The following SLC6A11 variants were observed in gnomAD, a reference collection of about 807,000 sequenced individuals.
The protein encoded by SLC6A11 is sodium- and chloride-dependent GABA transporter 3.
In SLC6A11, 25 loss-of-function variants were observed where a neutral mutation model predicts 74.8. That is an observed-to-expected ratio of 0.33 (90% CI 0.24 to 0.47). The LOEUF (loss-of-function observed/expected upper bound fraction) is 0.47. Ranked by LOEUF, SLC6A11 falls within the 20% of genes least tolerant of loss-of-function variation. The probability of loss-of-function intolerance (pLI) is 1.00; values close to 1 mark genes in which losing one functional copy is unlikely to be tolerated. For synonymous variants in SLC6A11, 330 were observed against 330.2 expected (o/e 1.00, Z 0.01); for missense variants, 574 against 837.0 (o/e 0.69, Z 3.88).
chr3:10,901,789 A>G (rs1695243557), intron 6 of SLC6A11, among the ~76,000 whole-genome samples: 1 of 152,154 alleles, frequency 6.6e-6, no homozygotes, highest in Admixed American at 6.5e-5. Context: ...TAGCCGAAAG[A>G]AGGAGCAAGG....
chr3:10,933,771 CT>C (rs1262362235), intron 11 of SLC6A11, among the ~76,000 whole-genome samples: 5 of 152,306 alleles, frequency 3.3e-5, no homozygotes, highest in Non-Finnish European at 7.4e-5. Context: ...ATCCCCACCC[CT>C]GATTGCCTTG....
intron 4 of SLC6A11, 136 bp from the exon 5 acceptor site, chr3:10,844,078 C>A: frequency 2.0e-6 from 2 of 1,018,662 alleles, no homozygotes; most frequent in Non-Finnish European, 2.9e-6. Context: ...CCCAAGTCCT[C>A]CCCAGAGGAG....
In SLC6A11 at chr3:10,866,854, A is replaced by G. The variant is rs571373995; in HGVS notation, c.757-8107A>G. Among the ~76,000 whole-genome samples the G allele has an allele frequency of 8.5e-5, 13 of 152,348 alleles. No individual in the cohort carries two copies. In the South Asian group the frequency reaches 2.7e-3, roughly 32 times the overall value. ...AATTGTGAGGAGGCCACATGTGTCC[A>G]GGGTGGCCTTTCTTCTTTAGATATG... is the stretch of plus-strand genomic sequence containing the variant. On this transcript the variant is annotated intron_variant, in intron 5 of 13. Transcript: ENST00000254488.
chr3:10,917,389 G>T (rs1321182417), intron 7 of SLC6A11, among the ~76,000 whole-genome samples: 1 of 152,224 alleles, frequency 6.6e-6, no homozygotes, highest in Non-Finnish European at 1.5e-5. Flanking sequence ...CACCCGCAGG[G>T]ATGCCATGGA....
chr3:10,878,603 TG>T (rs1694939428), intron 6 of SLC6A11, among the ~76,000 whole-genome samples: 4 of 150,102 alleles, frequency 2.7e-5, no homozygotes, highest in African/African-American at 9.8e-5. Flanking sequence ...TTAGTAGAGA[TG>T]GGGTTTTGCC....
At chr3:10,835,111 A>G (rs914489408) in intron 4 of SLC6A11, among the ~76,000 whole-genome samples, 5 of 152,166 alleles carry the variant, frequency 3.3e-5, no homozygotes, top group African/African-American at 1.2e-4. Flanking sequence ...GGCTTCTTGC[A>G]ATCCTTAATG....
chr3:10,836,486 A>G (rs1274778801), intron 4 of SLC6A11, among the ~76,000 whole-genome samples: 1 of 152,182 alleles, frequency 6.6e-6, no homozygotes, highest in Admixed American at 6.5e-5. Flanking sequence ...CGAGGGTTCC[A>G]TTTCTCCACA....
intron 3 of SLC6A11, among the ~76,000 whole-genome samples, chr3:10,821,897 G>A (rs1328221637): frequency 1.3e-5 from 2 of 152,082 alleles, no homozygotes; most frequent in Non-Finnish European, 2.9e-5. Flanking sequence ...CCAGAAAAAG[G>A]CACAGGACAC....
chr3:10,938,457 T>A lies in SLC6A11; in HGVS notation c.*55T>A. 1.3e-6 allele frequency: 2 copies of A among 1,517,708 alleles called. No individual in the cohort carries two copies. Among genetic ancestry groups the A allele is most frequent in the South Asian group, 2.5e-5 (2 of 79,038 alleles). The allele number at this position is 1,517,708 out of a possible 1,614,324, so 94.0% of individuals were successfully genotyped here. ...CCTTTCTTCCCCCCGTGTATGTAAA[T>A]GAATTCCTGAACCCCATACTTCACC... is the stretch of plus-strand genomic sequence containing the variant. On this transcript the variant is annotated 3_prime_UTR_variant, in exon 14 of 14. Transcript: ENST00000254488.
Position 10,918,936 on chromosome 3 carries a change from G to A in SLC6A11, c.1120+483G>A, listed in dbSNP as rs755316450. Reference sequence around the variant, plus strand: ...CAGCGTGGCCACAAAGCCCTGTGTTGCCCGGCTCCTGTGGCCCCACCAGCC... The same window carrying A: ...CAGCGTGGCCACAAAGCCCTGTGTTACCCGGCTCCTGTGGCCCCACCAGCC... On this transcript the variant is annotated intron_variant, in intron 8 of 13. Transcript: ENST00000254488. The surrounding 1 kb of genome is among the most constrained non-coding windows in gnomAD (Gnocchi z 4.5). 1.1e-4 allele frequency among the ~76,000 whole-genome samples: 16 copies of A among 151,634 alleles called. No individual in the cohort carries two copies. The highest frequency in any genetic ancestry group is 2.4e-4 in the Non-Finnish European group (16 of 67,952).
Position 10,938,469 on chromosome 3 carries a change from C to T in SLC6A11, c.*67C>T, listed in dbSNP as rs929798804. 6.8e-7 allele frequency: 1 copy of T among 1,469,352 alleles called. No homozygotes were observed. The highest frequency in any genetic ancestry group is 9.2e-7 in the Non-Finnish European group (1 of 1,087,964). 91.0% of individuals were successfully genotyped at this position (1,469,352 alleles called of 1,614,324 possible). ...CCGTGTATGTAAATGAATTCCTGAA[C>T]CCCATACTTCACCTAATGGTAGGGG... On this transcript the variant is annotated 3_prime_UTR_variant, in exon 14 of 14. Coordinates refer to ENST00000254488, the MANE Select transcript of SLC6A11 (RefSeq NM_014229.3).
intron 4 of SLC6A11, among the ~76,000 whole-genome samples, chr3:10,837,207 C>T (rs1694378349): frequency 6.6e-6 from 1 of 152,070 alleles, no homozygotes; most frequent in Admixed American, 6.5e-5. Flanking sequence ...TGTTCCCAGC[C>T]GAGGGAATCA....
rs1242276669 is a variant in SLC6A11 at position 10,918,532 on chromosome 3, C to T, written c.1120+79C>T. On this transcript the variant is annotated intron_variant, in intron 8 of 13. Transcript: ENST00000254488. The surrounding 1 kb of genome is among the most constrained non-coding windows in gnomAD (Gnocchi z 4.5). ...TGGTCATCATGGAAATGCGATCTTC[C>T]TCCTCGGCTCACACATCTCCTGGAT... 1.3e-5 allele frequency: 20 copies of T among 1,490,084 alleles called. No homozygotes were observed. The highest frequency in any genetic ancestry group is 1.7e-4 in the Middle Eastern group (1 of 5,750). The allele number at this position is 1,490,084 out of a possible 1,614,324, so 92.3% of individuals were successfully genotyped here. A position where few individuals can be genotyped will look rare whatever the true frequency, so the allele number is the denominator to read the frequency against.
At position 10,934,060 on chromosome 3, in the gene SLC6A11, G is replaced by T. The variant is rs780524904; in HGVS notation, c.1475-6G>T. On this transcript the variant is annotated splice_region_variant and splice_polypyrimidine_tract_variant and intron_variant, in intron 11 of 13. Coordinates refer to ENST00000254488, the MANE Select transcript of SLC6A11 (RefSeq NM_014229.3). ...TGTATGTTCCCCTCTGATTTATTCCGGACAGGAAGCAACCGGTTCTATGAT... is the reference window on the plus strand; with the variant it reads ...TGTATGTTCCCCTCTGATTTATTCCTGACAGGAAGCAACCGGTTCTATGAT... 2.5e-6 allele frequency: 4 copies of T among 1,607,332 alleles called. No individual in the cohort carries two copies. In the Admixed American group the frequency reaches 6.7e-5, roughly 27 times the overall value.
At chr3:10,921,072 GGA>G (rs1695531506) in intron 8 of SLC6A11, among the ~76,000 whole-genome samples, 1 of 152,162 alleles carries the variant, frequency 6.6e-6, no homozygotes, top group Non-Finnish European at 1.5e-5. Flanking sequence ...ACTGAGCCAG[GGA>G]GACAGAATGT....
intron 5 of SLC6A11, among the ~76,000 whole-genome samples, chr3:10,868,117 A>C (rs1431261014): frequency 6.6e-6 from 1 of 152,248 alleles, no homozygotes; most frequent in Non-Finnish European, 1.5e-5. Flanking sequence ...AGTTTGGATT[A>C]GTCTATCCTT....
intron 4 of SLC6A11, among the ~76,000 whole-genome samples, chr3:10,839,451 A>G (rs1317382319): frequency 1.3e-5 from 2 of 152,120 alleles, no homozygotes; most frequent in Non-Finnish European, 2.9e-5. Flanking sequence ...CAGGTCGGCT[A>G]CTTGCCTGCT....
intron 1 of SLC6A11, 121 bp from the exon 2 acceptor site, chr3:10,819,344 A>G: frequency 1.0e-6 from 1 of 993,434 alleles, no homozygotes; most frequent in South Asian, 1.7e-5. Flanking sequence ...CATAATGGGA[A>G]CTTGAACTCA....
chr3:10,851,227 A>C (rs1694571849), intron 5 of SLC6A11, among the ~76,000 whole-genome samples: 1 of 151,998 alleles, frequency 6.6e-6, no homozygotes, highest in Admixed American at 6.6e-5. Flanking sequence ...CTCCAGGAGC[A>C]GTGACTGGGA....
Sources: allele counts gnomAD v4.1 joint callset (sites outside exome capture counted in the v4.1 genomes callset), GRCh38; gene constraint gnomAD v4.1.1; non-coding constraint Gnocchi (gnomAD v3.1); transcripts MANE v1.5; gene names NCBI Gene and HGNC (gene_info 2026-07-23, HGNC 2026-07-21).